The following CLUAP1 variants were observed in gnomAD, a reference collection of about 807,000 sequenced individuals.
The protein encoded by CLUAP1 is clusterin-associated protein 1.
Under a neutral mutation model 55.0 loss-of-function variants are expected in CLUAP1, and 50 were observed. The observed-to-expected ratio is 0.91, with a 90% CI of 0.72 to 1.15. CLUAP1 has a LOEUF of 1.15. CLUAP1 is among the 50% of genes most tolerant of loss of function. The pLI, the probability that CLUAP1 is intolerant of heterozygous loss-of-function variation, is 0.00. For synonymous variants in CLUAP1, 195 were observed against 175.4 expected, an observed-to-expected ratio of 1.11 and a Z score of -0.88; for missense variants, 530 against 507.6, an observed-to-expected ratio of 1.04 and a Z score of -0.42.
intron 11 of CLUAP1, 92 bp downstream of exon 11, chr16:3,532,933 GAGCCGTCTATGGTC>G: frequency 6.7e-7 from 1 of 1,501,316 alleles, no homozygotes; most frequent in Non-Finnish European, 9.3e-7. Flanking sequence ...AGCAGCCAGG[GAGCCGTCTATGGTC>G]AGCCCGGCCG....
At position 3,532,858 on chromosome 16, in the gene CLUAP1, C is replaced by T; in HGVS notation, c.1092+17C>T. ...GATGACAATGTAAGTCCCCCGCTCC[C>T]CTCAGTGGTTCTGTGCACTCTGGGT... is the stretch of plus-strand genomic sequence containing the variant. On this transcript the variant is annotated intron_variant, in intron 11 of 11. Coordinates refer to ENST00000576634, the MANE Select transcript of CLUAP1 (RefSeq NM_015041.3). 6.2e-7 allele frequency: 1 copy of T among 1,613,852 alleles called. No homozygotes were observed. The highest frequency in any genetic ancestry group is 8.5e-7 in the Non-Finnish European group (1 of 1,179,760).
chr16:3,515,995 T>G (rs565317460), intron 6 of CLUAP1, among the ~76,000 whole-genome samples: 3 of 152,344 alleles, frequency 2.0e-5, no homozygotes, highest in African/African-American at 7.2e-5. Flanking sequence ...TCACATCAGT[T>G]ATCCTCTCAT....
chr16:3,511,859 G>C (rs2037632395), intron 4 of CLUAP1, among the ~76,000 whole-genome samples: 1 of 152,168 alleles, frequency 6.6e-6, no homozygotes, highest in African/African-American at 2.4e-5. Context: ...GGTAGGAGCT[G>C]ACATGAACAG....
At chr16:3,533,018 T>C in intron 11 of CLUAP1, 177 bp downstream of exon 11, 2 of 1,391,650 alleles carry the variant, frequency 1.4e-6, no homozygotes, top group Non-Finnish European at 2.0e-6. Context: ...TGCTCGTGGA[T>C]GGCTCATCTC....
chr16:3,526,558 T>G lies in CLUAP1; in HGVS notation c.928+74T>G, dbSNP rs111799517. On this transcript the variant is annotated intron_variant, in intron 9 of 11. Coordinates refer to ENST00000576634, the MANE Select transcript of CLUAP1 (RefSeq NM_015041.3). ...CAGCCTTGAAATATATATAGAGAGATATATATATATTTTTTAATATGTATT... is the reference window on the plus strand; with the variant it reads ...CAGCCTTGAAATATATATAGAGAGAGATATATATATTTTTTAATATGTATT... 6.8e-3 allele frequency: 5,321 copies of G among 784,760 alleles called. 113 individuals carry two copies. Among genetic ancestry groups the G allele is most frequent in the African/African-American group, 0.057 (3,047 of 53,836 alleles). The allele number at this position is 784,760 out of a possible 1,614,324, so 48.6% of individuals were successfully genotyped here. A position where few individuals can be genotyped will look rare whatever the true frequency, so the allele number is the denominator to read the frequency against.
At chr16:3,507,815 T>G (rs954915824) in intron 3 of CLUAP1, among the ~76,000 whole-genome samples, 7 of 152,090 alleles carry the variant, frequency 4.6e-5, no homozygotes. Flanking sequence ...AGCATCTTGC[T>G]TTACTTAATG....
rs374473849 is a variant in CLUAP1, at chr16:3,504,836, G to A, written c.134+5G>A. Reference sequence around the variant, plus strand: ...GCTTCTCTGGCTTGTGAAAAGGTTCGAACGGCACTTTATTGACATCTAAGA... The same window carrying A: ...GCTTCTCTGGCTTGTGAAAAGGTTCAAACGGCACTTTATTGACATCTAAGA... On this transcript the variant is annotated splice_donor_5th_base_variant and intron_variant, in intron 2 of 11. Transcript: ENST00000576634. The A allele has an allele frequency of 4.8e-5, 72 of 1,505,288 alleles. No individual in the cohort carries two copies. The African/African-American group carries it at 7.7e-4, about 16-fold the overall frequency. The allele number at this position is 1,505,288 out of a possible 1,614,324, so 93.2% of individuals were successfully genotyped here. A position where few individuals can be genotyped will look rare whatever the true frequency, so the allele number is the denominator to read the frequency against.
rs1567439856 is a variant in CLUAP1 at position 3,529,639 on chromosome 16, T to TTATATA, written c.929-929_929-928insTATATA. 9.2e-4 allele frequency among the ~76,000 whole-genome samples: 25 copies of TTATATA among 27,186 alleles called. 4 individuals carry two copies. The highest frequency in any genetic ancestry group is 6.7e-3 in the African/African-American group (24 of 3,558). 17.8% of individuals were successfully genotyped at this position (27,186 alleles called of 152,430 possible). ...TAATATTATATATTATATATTATTA[T>TTATATA]ATATTATATATTATTATATATTATA... On this transcript the variant is annotated intron_variant, in intron 9 of 11. Coordinates refer to ENST00000576634, the MANE Select transcript of CLUAP1 (RefSeq NM_015041.3).
chr16:3,498,549 C>T (rs1051544629), upstream of CLUAP1, among the ~76,000 whole-genome samples: 1 of 152,128 alleles, frequency 6.6e-6, no homozygotes, highest in Non-Finnish European at 1.5e-5. Flanking sequence ...TGGCTCACAC[C>T]TGTAATCCCA....
chr16:3,530,375 A>C (rs962579438), intron 9 of CLUAP1, 193 bp from the exon 10 acceptor site: 1 of 537,298 alleles, frequency 1.9e-6, no homozygotes, highest in Non-Finnish European at 3.3e-6. Flanking sequence ...CCTGAGGTAC[A>C]TGTATTAATT....
chr16:3,498,400 T>A (rs1171522954), upstream of CLUAP1, among the ~76,000 whole-genome samples: 2 of 152,078 alleles, frequency 1.3e-5, no homozygotes, highest in Non-Finnish European at 2.9e-5. Flanking sequence ...CCAGTCAAGT[T>A]GACACACAAA....
At chr16:3,508,793 C>G (rs905566764) in intron 4 of CLUAP1, among the ~76,000 whole-genome samples, 1 of 151,578 alleles carries the variant, frequency 6.6e-6, no homozygotes, top group East Asian at 1.9e-4. Context: ...AGATGCAGTG[C>G]AGGCTGTGGA....
At chr16:3,530,500 C>T in intron 9 of CLUAP1, 68 bp from the exon 10 acceptor site, 1 of 1,107,328 alleles carries the variant, frequency 9.0e-7, no homozygotes, top group East Asian at 2.4e-5. Context: ...ACAGACCTTA[C>T]TGGGCAGAGC....
At chr16:3,513,651 T>A (rs542005265) in intron 5 of CLUAP1, among the ~76,000 whole-genome samples, 5 of 152,162 alleles carry the variant, frequency 3.3e-5, no homozygotes, top group Non-Finnish European at 7.4e-5. Flanking sequence ...GGTTTCATCA[T>A]GTTGGCCAGG....
intron 11 of CLUAP1, chr16:3,534,558 G>A (rs2038194359): frequency 6.6e-6 from 1 of 152,600 alleles, no homozygotes; most frequent in African/African-American, 2.4e-5. Context: ...CAGTTAGGAG[G>A]CGCCTGCACC....
intron 5 of CLUAP1, among the ~76,000 whole-genome samples, chr16:3,513,595 A>G (rs908515749): frequency 7.9e-5 from 12 of 152,002 alleles, no homozygotes; most frequent in Non-Finnish European, 2.9e-5. Flanking sequence ...AATTACAGAT[A>G]TGTGTCACCA....
At chr16:3,529,038 C>T (rs2038004361) in intron 9 of CLUAP1, among the ~76,000 whole-genome samples, 1 of 151,710 alleles carries the variant, frequency 6.6e-6, no homozygotes, top group African/African-American at 2.4e-5. Flanking sequence ...TGGATACATG[C>T]AGTCATCCCT....
rs367665366 is a variant in CLUAP1, at chr16:3,508,492, G to C, written c.399+24G>C. ...AGGTAAGGACAACAAAAGCCTTGTA[G>C]TGGGCGATGGAGCGTTGATTTCTTG... On this transcript the variant is annotated intron_variant, in intron 4 of 11. Transcript: ENST00000576634. 29 of 1,527,978 alleles carry C rather than the reference G, an allele frequency of 1.9e-5. No individual in the cohort carries two copies. In the African/African-American group the frequency reaches 4.0e-4, roughly 21 times the overall value. 94.7% of individuals were successfully genotyped at this position (1,527,978 alleles called of 1,614,324 possible).
intron 9 of CLUAP1, among the ~76,000 whole-genome samples, chr16:3,528,829 C>A (rs149744070): frequency 4.1e-4 from 63 of 152,254 alleles, no homozygotes; most frequent in Non-Finnish European, 7.5e-4. Context: ...GTCCTATTAT[C>A]ATTTGTGGAA....
Sources: gnomAD v4.1 joint callset for allele counts (sites outside exome capture counted in the v4.1 genomes callset) on GRCh38, gnomAD v4.1.1 for gene constraint, MANE v1.5 for transcripts, NCBI Gene and HGNC (gene_info 2026-07-23, HGNC 2026-07-21) for gene names.